Variants in RAB3IP observed in about 807,000 individuals in gnomAD.
RAB3IP encodes the protein rab-3A-interacting protein.
A neutral mutation model predicts 59.1 loss-of-function variants in RAB3IP; 36 were observed. The ratio of observed to expected loss-of-function variants is 0.61; its 90% CI spans 0.47 to 0.80. The LOEUF (loss-of-function observed/expected upper bound fraction) is 0.80. RAB3IP is among the 30% of genes least tolerant of loss of function. The pLI, the probability that RAB3IP is intolerant of heterozygous loss-of-function variation, is 0.00. For synonymous variants in RAB3IP, 207 were observed against 191.2 expected (o/e 1.08, Z -0.68); for missense variants, 511 against 536.0 (o/e 0.95, Z 0.46).
chr12:69,798,307 C>T (rs1352343152), intron 6 of RAB3IP, among the ~76,000 whole-genome samples: 2 of 152,070 alleles, frequency 1.3e-5, no homozygotes, highest in Non-Finnish European at 2.9e-5. Flanking sequence ...TGTTTTTTGG[C>T]TGCATAAATG....
intron 3 of RAB3IP, among the ~76,000 whole-genome samples, chr12:69,775,479 C>A (rs1351901412): frequency 3.1e-5 from 2 of 64,510 alleles, no homozygotes; most frequent in African/African-American, 1.3e-4. Context: ...GAGGGCATCC[C>A]TGTCTTGTGC....
chr12:69,749,694 T>C (rs1868917770), intron 1 of RAB3IP, among the ~76,000 whole-genome samples: 1 of 152,244 alleles, frequency 6.6e-6, no homozygotes, highest in African/African-American at 2.4e-5. Context: ...TTCTCATTTC[T>C]TGCTTGTTGT....
intron 5 of RAB3IP, 150 bp from the exon 6 acceptor site, chr12:69,794,991 T>G (rs1877213901): frequency 4.6e-6 from 3 of 647,262 alleles, no homozygotes; most frequent in African/African-American, 3.7e-5. Context: ...ATCAAAAAAC[T>G]TGATTTTAGT....
chr12:69,741,159 A>G (rs1202046359), intron 1 of RAB3IP, among the ~76,000 whole-genome samples: 4 of 152,236 alleles, frequency 2.6e-5, no homozygotes, highest in Non-Finnish European at 4.4e-5. Context: ...AGAAGGAACC[A>G]GTGTGAGCTT....
intron 1 of RAB3IP, among the ~76,000 whole-genome samples, chr12:69,753,077 G>A (rs1041229754): frequency 6.6e-6 from 1 of 152,154 alleles, no homozygotes; most frequent in African/African-American, 2.4e-5. Context: ...TTTGCTATTA[G>A]TAAACAGCTG....
At chr12:69,809,407 T>C (rs140658557) in intron 8 of RAB3IP, among the ~76,000 whole-genome samples, 226 of 152,292 alleles carry the variant, frequency 1.5e-3, no homozygotes, top group African/African-American at 5.2e-3. Flanking sequence ...GGAGTATCTT[T>C]GTAGCATTCT....
At chr12:69,766,511 TC>T (rs1872221866) in intron 3 of RAB3IP, among the ~76,000 whole-genome samples, 1 of 134,306 alleles carries the variant, frequency 7.4e-6, no homozygotes, top group African/African-American at 2.8e-5. Context: ...AACTCTGATT[TC>T]TTTTTCTTTT....
rs1592613081 is a variant in RAB3IP, at chr12:69,806,891, TG to T, written c.1130+5175del. Among the ~76,000 whole-genome samples the T allele has an allele frequency of 2.6e-5, 4 of 152,238 alleles. No homozygotes were observed. The South Asian group carries it at 8.3e-4, about 32-fold the overall frequency. On this transcript the variant is annotated intron_variant, in intron 8 of 10. Transcript: ENST00000247833. ...GCACATGTTTCAGAGAGCACGGGGT[TG>T]GGGGTAAGGTTATAGATTAACAGCA... is the stretch of plus-strand genomic sequence containing the variant.
At chr12:69,796,505 G>A (rs367645586) in intron 6 of RAB3IP, 14 of 442,960 alleles carry the variant, frequency 3.2e-5, no homozygotes, top group East Asian at 2.1e-4. Context: ...TTAAATTCAA[G>A]TCCATCATTA....
intron 8 of RAB3IP, among the ~76,000 whole-genome samples, chr12:69,807,282 G>C (rs1442039861): frequency 6.7e-6 from 1 of 148,842 alleles, no homozygotes; most frequent in Admixed American, 6.7e-5. Context: ...CGGGGCAGCC[G>C]GGCAGAGGCG....
intron 3 of RAB3IP, among the ~76,000 whole-genome samples, chr12:69,773,582 C>G (rs1318603146): frequency 1.8e-4 from 18 of 101,172 alleles, no homozygotes; most frequent in African/African-American, 6.4e-4. Flanking sequence ...CCACCACAGT[C>G]CCCAGAGTGT....
At chr12:69,745,390 A>G (rs1226400432) in intron 1 of RAB3IP, among the ~76,000 whole-genome samples, 1 of 151,990 alleles carries the variant, frequency 6.6e-6, no homozygotes, top group Non-Finnish European at 1.5e-5. Context: ...TATGGGTACT[A>G]TAGTAAATTC....
intron 1 of RAB3IP, among the ~76,000 whole-genome samples, chr12:69,743,922 A>T (rs970353130): frequency 6.7e-6 from 1 of 150,014 alleles, no homozygotes; most frequent in South Asian, 2.1e-4. Context: ...TAGTTGGCAT[A>T]TATTCTTAAG....
chr12:69,769,004 T>C (rs141569588), intron 3 of RAB3IP, among the ~76,000 whole-genome samples: 1 of 152,192 alleles, frequency 6.6e-6, no homozygotes, highest in Non-Finnish European at 1.5e-5. Context: ...GTCAGGTCTT[T>C]CCTGGGCTGT....
At chr12:69,811,500 C>G (rs920621701) in intron 8 of RAB3IP, among the ~76,000 whole-genome samples, 4 of 152,326 alleles carry the variant, frequency 2.6e-5, no homozygotes. Context: ...AGGCATATGT[C>G]TGTTTCCAGA....
intron 10 of RAB3IP, among the ~76,000 whole-genome samples, chr12:69,814,254 G>A (rs1565936652): frequency 6.6e-6 from 1 of 152,124 alleles, no homozygotes; most frequent in Non-Finnish European, 1.5e-5. Flanking sequence ...TTTACTTTAT[G>A]AAAATAGGAA....
At position 69,788,164 on chromosome 12, in the gene RAB3IP, C is replaced by T. The variant is rs150560178; in HGVS notation, c.606+3349C>T. On this transcript the variant is annotated intron_variant, in intron 4 of 10. Transcript: ENST00000247833. ...TAGATCTAATACTGCTGATAACTCA[C>T]ACATCTATTGGTCTAATATAAGATA... 5.9e-4 allele frequency among the ~76,000 whole-genome samples: 90 copies of T among 152,210 alleles called. 1 individual carries two copies. The highest frequency in any genetic ancestry group is 2.1e-3 in the African/African-American group (87 of 41,554).
At chr12:69,769,551 G>T (rs867653659) in intron 3 of RAB3IP, among the ~76,000 whole-genome samples, 1 of 152,302 alleles carries the variant, frequency 6.6e-6, no homozygotes, top group South Asian at 2.1e-4. Flanking sequence ...TGTGATTCTG[G>T]TGGATTGCTG....
rs113083370 is a variant in RAB3IP, at chr12:69,788,414, G to A, written c.606+3599G>A. On this transcript the variant is annotated intron_variant, in intron 4 of 10. Coordinates refer to ENST00000247833, the MANE Select transcript of RAB3IP (RefSeq NM_022456.5). ...TTGTGATACAATGGTAAATATTTAC[G>A]TATCTAAACATAGAAAAAGTAAAGT... 8.5e-5 allele frequency among the ~76,000 whole-genome samples: 13 copies of A among 152,120 alleles called. No individual in the cohort carries two copies. In the East Asian group the frequency reaches 1.9e-3, roughly 23 times the overall value.
Sources: gnomAD v4.1 joint callset for allele counts (sites outside exome capture counted in the v4.1 genomes callset) on GRCh38, gnomAD v4.1.1 for gene constraint, MANE v1.5 for transcripts, NCBI Gene and HGNC (gene_info 2026-07-23, HGNC 2026-07-21) for gene names.